EHD1: variants seen among roughly 807,000 people sequenced by gnomAD.
EHD1 encodes EH domain-containing protein 1.
In EHD1, 19 loss-of-function variants were observed where a neutral mutation model predicts 39.0. The observed-to-expected ratio is 0.49, with a 90% confidence interval of 0.34 to 0.72. The LOEUF is 0.72. Among genes scored for constraint, EHD1 ranks in the 30% least tolerant of loss-of-function variants. EHD1 has a pLI of 0.01. For missense variants in EHD1, 542 were observed against 751.5 expected, an observed-to-expected ratio of 0.72 and a Z score of 3.26; for synonymous variants, 323 against 331.2, an observed-to-expected ratio of 0.98 and a Z score of 0.27.
chr11:64,879,537 A>G (rs569312121), upstream of EHD1: 122 of 1,540,762 alleles, frequency 7.9e-5, no homozygotes, highest in East Asian at 7.4e-5. Context: ...TAAAAACCCA[A>G]ATACTTCCAC....
At position 64,872,232 on chromosome 11, in the gene EHD1, G is replaced by A. The variant is rs563189677; in HGVS notation, c.502+2189C>T. On this transcript the variant is annotated intron_variant, in intron 2 of 4. Coordinates refer to ENST00000320631, the MANE Select transcript of EHD1 (RefSeq NM_006795.4). Reference sequence around the variant, plus strand: ...TGATGATGCTTTGAGAGGCCGAAGCGGGCAGATCACCTGAGGTCAGGAGTT... The same window carrying A: ...TGATGATGCTTTGAGAGGCCGAAGCAGGCAGATCACCTGAGGTCAGGAGTT... Among the ~76,000 whole-genome samples, 21 of 152,274 alleles carry A rather than the reference G, an allele frequency of 1.4e-4. No individual in the cohort carries two copies. The South Asian group carries it at 3.1e-3, about 23-fold the overall frequency.
At chr11:64,867,665 C>A (rs1440612049) in intron 2 of EHD1, among the ~76,000 whole-genome samples, 2 of 152,072 alleles carry the variant, frequency 1.3e-5, no homozygotes, top group African/African-American at 2.4e-5. Context: ...TTGCAGTGGG[C>A]CGAGATTGAT....
rs1592757359 is a variant in EHD1, at chr11:64,878,565, A to G, written c.-101T>C. The stretch of plus-strand genomic sequence containing the variant: ...GGGCCGGCCGGGGCAGGGAATCGGG[A>G]GCGACCCACACTGCGCAGGCGCACA... On this transcript the variant is annotated 5_prime_UTR_variant, in exon 1 of 5. Transcript: ENST00000320631. The G allele has an allele frequency of 2.1e-6, 3 of 1,461,918 alleles. No homozygotes were observed. The highest frequency in any genetic ancestry group is 1.4e-5 in the South Asian group (1 of 73,162). The allele number at this position is 1,461,918 out of a possible 1,614,324, so 90.6% of individuals were successfully genotyped here.
intron 2 of EHD1, among the ~76,000 whole-genome samples, chr11:64,861,478 C>A (rs1011918952): frequency 6.6e-6 from 1 of 152,156 alleles, no homozygotes. Context: ...TGACAAGAGG[C>A]GCCTGCAAAA....
At chr11:64,856,299 A>C (rs1474338857) in intron 3 of EHD1, 1 of 152,586 alleles carries the variant, frequency 6.6e-6, no homozygotes, top group Non-Finnish European at 1.5e-5. Context: ...ATCCCTGCTG[A>C]GTGCCGATGG....
intron 2 of EHD1, among the ~76,000 whole-genome samples, chr11:64,862,696 A>T (rs1293740450): frequency 6.6e-6 from 1 of 151,856 alleles, no homozygotes; most frequent in Non-Finnish European, 1.5e-5. Context: ...AAATATTTCC[A>T]CTTCAGCCTG....
intron 2 of EHD1, among the ~76,000 whole-genome samples, chr11:64,872,791 C>T (rs1943843941): frequency 1.3e-5 from 2 of 152,194 alleles, no homozygotes; most frequent in Admixed American, 1.3e-4. Flanking sequence ...AGCAAGGTTT[C>T]TCAGCTCCAA....
At chr11:64,869,421 G>T (rs1943804215) in intron 2 of EHD1, among the ~76,000 whole-genome samples, 1 of 152,252 alleles carries the variant, frequency 6.6e-6, no homozygotes, top group Non-Finnish European at 1.5e-5. Context: ...AACCCCGGCT[G>T]AGTCAGCACT....
chr11:64,854,170 G>T lies in EHD1; in HGVS notation c.*163C>A. The T allele has an allele frequency of 1.6e-6, 2 of 1,243,506 alleles. No individual in the cohort carries two copies. The highest frequency in any genetic ancestry group is 2.2e-6 in the Non-Finnish European group (2 of 925,120). 77.0% of individuals were successfully genotyped at this position (1,243,506 alleles called of 1,614,324 possible). A position where few individuals can be genotyped will look rare whatever the true frequency, so the allele number is the denominator to read the frequency against. ...CCTCTCACCCCTGCCTCCCCCGCCA[G>T]GCCCAGGAACAGCCTTAAAAGAAAG... is the stretch of plus-strand genomic sequence containing the variant. On this transcript the variant is annotated 3_prime_UTR_variant, in exon 5 of 5. Transcript: ENST00000320631.
chr11:64,858,477 C>A (rs932526852), intron 3 of EHD1, among the ~76,000 whole-genome samples: 1 of 152,196 alleles, frequency 6.6e-6, no homozygotes, highest in Non-Finnish European at 1.5e-5. Flanking sequence ...GATGAGCCAC[C>A]ATGCCTGGCT....
At chr11:64,857,712 T>C (rs1943668421) in intron 3 of EHD1, among the ~76,000 whole-genome samples, 1 of 152,168 alleles carries the variant, frequency 6.6e-6, no homozygotes, top group South Asian at 2.1e-4. Context: ...GCCACTGTGC[T>C]CAACGCCTGC....
Position 64,874,472 on chromosome 11 carries a change from T to C in EHD1, c.451A>G (p.Ile151Val), listed in dbSNP as rs202024706. ...LPNPVLDSISIIDTPGILSGE... is the reference protein window; with the variant it reads ...LPNPVLDSISVIDTPGILSGE... ...GACAGGATCCCGGGGGTGTCGATGA[T>C]GCTGATGCTGTCCAGGACGGGGTTG... is the stretch of plus-strand genomic sequence containing the variant. The change falls in exon 2 of 5, where the codon ATC (isoleucine) becomes GTC (valine). Residue 151 changes from isoleucine to valine, a missense_variant. By Grantham distance (29) the Ile-to-Val change is conservative. Transcript: ENST00000320631. 7 of 1,611,600 alleles carry C rather than the reference T, an allele frequency of 4.3e-6. No individual in the cohort carries two copies. The Admixed American group carries it at 1.2e-4, about 27-fold the overall frequency.
chr11:64,877,941 G>A (rs866502496), intron 1 of EHD1, 120 bp downstream of exon 1: 14 of 1,062,598 alleles, frequency 1.3e-5, no homozygotes, highest in South Asian at 5.6e-5. Context: ...TGGTCACTGA[G>A]GGTCTCACTG....
At chr11:64,861,877 G>A (rs1262559968) in intron 2 of EHD1, among the ~76,000 whole-genome samples, 1 of 152,124 alleles carries the variant, frequency 6.6e-6, no homozygotes, top group East Asian at 1.9e-4. Flanking sequence ...ACAGACTCCA[G>A]CTTTAAGCTC....
At chr11:64,858,817 A>G (rs1399218258) in intron 3 of EHD1, among the ~76,000 whole-genome samples, 4 of 152,242 alleles carry the variant, frequency 2.6e-5, no homozygotes, top group African/African-American at 9.6e-5. Flanking sequence ...TTGGTCAGCC[A>G]CTGAGATTCC....
At chr11:64,863,986 C>T (rs1404750053) in intron 2 of EHD1, among the ~76,000 whole-genome samples, 5 of 152,216 alleles carry the variant, frequency 3.3e-5, no homozygotes, top group Non-Finnish European at 5.9e-5. Flanking sequence ...AAGGGGCCAG[C>T]GGCCTGGACC....
intron 2 of EHD1, among the ~76,000 whole-genome samples, chr11:64,872,335 C>A (rs1310751956): frequency 6.6e-6 from 1 of 152,174 alleles, no homozygotes; most frequent in Non-Finnish European, 1.5e-5. Flanking sequence ...GTGGCATGCA[C>A]CTGTAATCCC....
At position 64,874,410 on chromosome 11, in the gene EHD1, C is replaced by T. The variant is rs781210689; in HGVS notation, c.502+11G>A. On this transcript the variant is annotated intron_variant, in intron 2 of 4. Transcript: ENST00000320631. ...ACACCAGCAGCCCGAGCTGTGGTCA[C>T]AGCTGTTTACCTCTGCTGATCCGCT... 3.2e-6 allele frequency: 5 copies of T among 1,584,010 alleles called. No individual in the cohort carries two copies. The highest frequency in any genetic ancestry group is 3.4e-6 in the Non-Finnish European group (4 of 1,165,092).
intron 2 of EHD1, among the ~76,000 whole-genome samples, chr11:64,863,900 G>A (rs1238693819): frequency 2.6e-5 from 4 of 152,232 alleles, no homozygotes; most frequent in Non-Finnish European, 5.9e-5. Context: ...GGGAGCACTG[G>A]GCCTCCAGCC....
Sources: allele counts gnomAD v4.1 joint callset (sites outside exome capture counted in the v4.1 genomes callset), GRCh38; gene constraint gnomAD v4.1.1; transcripts MANE v1.5; gene names NCBI Gene and HGNC (gene_info 2026-07-23, HGNC 2026-07-21).